GNAO1: variants seen among roughly 807,000 people sequenced by gnomAD.
The protein encoded by GNAO1 is G protein subunit alpha o1, also known as guanine nucleotide-binding protein G(o) subunit alpha.
For missense variants in GNAO1, 166 were observed against 478.7 expected (o/e 0.35, Z 6.10); for synonymous variants, 164 against 180.7 (o/e 0.91, Z 0.74).
At chr16:56,241,423 C>T (rs1567451531) in intron 2 of GNAO1, among the ~76,000 whole-genome samples, 1 of 152,136 alleles carries the variant, frequency 6.6e-6, no homozygotes, top group South Asian at 2.1e-4. Context: ...CAGTGCTTCC[C>T]ATCGAGTTGA....
chr16:56,242,322 T>C (rs2143430607), intron 2 of GNAO1, among the ~76,000 whole-genome samples: 1 of 152,332 alleles, frequency 6.6e-6, no homozygotes, highest in Middle Eastern at 3.4e-3. Flanking sequence ...GACAAGCTGA[T>C]TCTAAAATTC....
intron 3 of GNAO1, among the ~76,000 whole-genome samples, chr16:56,323,774 TCTC>T (rs1420385154): frequency 6.6e-6 from 1 of 151,992 alleles, no homozygotes; most frequent in African/African-American, 2.4e-5. Flanking sequence ...AAACTAATGG[TCTC>T]CTTCTGTGTG....
At chr16:56,295,176 G>T (rs749836816) in intron 3 of GNAO1, among the ~76,000 whole-genome samples, 1 of 152,160 alleles carries the variant, frequency 6.6e-6, no homozygotes, top group Non-Finnish European at 1.5e-5. Flanking sequence ...GGAGCCCTTT[G>T]CTAGTTATTT....
chr16:56,319,194 C>T (rs1286451093), intron 3 of GNAO1, among the ~76,000 whole-genome samples: 2 of 152,194 alleles, frequency 1.3e-5, no homozygotes, highest in Admixed American at 6.5e-5. Flanking sequence ...TTTACCATCC[C>T]AGTTTCACAC....
At chr16:56,274,657 C>T (rs1402832583) in intron 2 of GNAO1, among the ~76,000 whole-genome samples, 1 of 152,156 alleles carries the variant, frequency 6.6e-6, no homozygotes, top group Non-Finnish European at 1.5e-5. Flanking sequence ...TGAAAGAAAC[C>T]AGTCACAAAA....
intron 2 of GNAO1, among the ~76,000 whole-genome samples, chr16:56,242,450 T>G (rs189491088): frequency 5.3e-5 from 8 of 152,188 alleles, no homozygotes; most frequent in Non-Finnish European, 1.0e-4. Context: ...CAGTACAACA[T>G]GGTACTAGCA....
At chr16:56,195,179 C>T (rs1212545975) in intron 2 of GNAO1, among the ~76,000 whole-genome samples, 1 of 147,998 alleles carries the variant, frequency 6.8e-6, no homozygotes, top group Non-Finnish European at 1.5e-5. Context: ...AAGCACAATA[C>T]ACCAACTCTC....
intron 3 of GNAO1, among the ~76,000 whole-genome samples, chr16:56,289,924 C>T (rs1305137941): frequency 5.9e-5 from 9 of 152,312 alleles, no homozygotes; most frequent in South Asian, 4.2e-4. Context: ...CCTCCCACCC[C>T]GTAATCTGTG....
intron 2 of GNAO1, among the ~76,000 whole-genome samples, chr16:56,218,446 A>G (rs1482816053): frequency 6.6e-6 from 1 of 152,182 alleles, no homozygotes. Flanking sequence ...CAGGCTCGGC[A>G]GGAGAGATTT....
At chr16:56,275,371 G>A (rs557845046) in intron 2 of GNAO1, among the ~76,000 whole-genome samples, 19 of 152,318 alleles carry the variant, frequency 1.2e-4, no homozygotes, top group African/African-American at 4.3e-4. Flanking sequence ...AGGGTGGTAT[G>A]TGGTTAAATC....
At chr16:56,329,979 A>G (rs2037672996) in intron 4 of GNAO1, among the ~76,000 whole-genome samples, 1 of 152,214 alleles carries the variant, frequency 6.6e-6, no homozygotes, top group Admixed American at 6.5e-5. Context: ...AGAAACCCTG[A>G]TCTACGCAAT....
chr16:56,343,871 C>T, intron 6 of GNAO1: 1 of 1,614,144 alleles, frequency 6.2e-7, no homozygotes, highest in Non-Finnish European at 8.5e-7. Flanking sequence ...GCCACGGACA[C>T]CAACAACATC....
At chr16:56,341,605 AG>A (rs1414087559) in intron 6 of GNAO1, among the ~76,000 whole-genome samples, 1 of 152,196 alleles carries the variant, frequency 6.6e-6, no homozygotes, top group Non-Finnish European at 1.5e-5. Context: ...CTCAAATCAC[AG>A]AGCTTTGCAA....
rs575598900 is a variant in GNAO1, at chr16:56,287,138, A to G, written c.303+11066A>G. ...CACAGCCCCCAGCCCACCACTGACC[A>G]ATGGTCTCGCCTTTCCACTGTGGCC... On this transcript the variant is annotated intron_variant, in intron 3 of 8. Transcript: ENST00000262493. 2.6e-5 allele frequency among the ~76,000 whole-genome samples: 4 copies of G among 152,310 alleles called. No individual in the cohort carries two copies. The South Asian group carries it at 8.3e-4, about 32-fold the overall frequency.
intron 2 of GNAO1, among the ~76,000 whole-genome samples, chr16:56,269,864 G>A (rs1474372644): frequency 6.6e-6 from 1 of 152,184 alleles, no homozygotes; most frequent in Non-Finnish European, 1.5e-5. Flanking sequence ...CAGAGAAGGA[G>A]AATGGCTGCT....
At chr16:56,299,760 C>T (rs188480095) in intron 3 of GNAO1, among the ~76,000 whole-genome samples, 3 of 152,180 alleles carry the variant, frequency 2.0e-5, no homozygotes, top group Admixed American at 1.3e-4. Flanking sequence ...CCACACAATC[C>T]AGATGATGAG....
In GNAO1 at chr16:56,351,222, G is replaced by A. The variant is rs1425657777; in HGVS notation, c.724-162G>A. Among the ~76,000 whole-genome samples, 1 of 152,196 alleles carries A rather than the reference G, an allele frequency of 6.6e-6. No homozygotes were observed. Among genetic ancestry groups the A allele is most frequent in the Non-Finnish European group, 1.5e-5 (1 of 68,040 alleles). ...TCTCCGGAAGCAGGGAATGAGATGT[G>A]CTGTGAGGTGTAACTGACTCAGGTT... On this transcript the variant is annotated intron_variant, in intron 6 of 8. Transcript: ENST00000262493. This position sits in a 1 kb window ranked among gnomAD's most constrained non-coding sequence, Gnocchi z 6.1.
At chr16:56,221,663 A>C (rs942487838) in intron 2 of GNAO1, among the ~76,000 whole-genome samples, 4 of 151,746 alleles carry the variant, frequency 2.6e-5, no homozygotes, top group Middle Eastern at 3.2e-3. Flanking sequence ...AAAAAAAAAA[A>C]AAAAAAAAAA....
At chr16:56,207,156 G>GATTC in intron 2 of GNAO1, among the ~76,000 whole-genome samples, 1 of 152,252 alleles carries the variant, frequency 6.6e-6, no homozygotes, top group East Asian at 1.9e-4. Context: ...TGAAGAAACT[G>GATTC]AGGCGAAAAT....
Sources: gnomAD v4.1 joint callset for allele counts (sites outside exome capture counted in the v4.1 genomes callset) on GRCh38, gnomAD v4.1.1 for gene constraint, Gnocchi (gnomAD v3.1) non-coding constraint, MANE v1.5 for transcripts, NCBI Gene and HGNC (gene_info 2026-07-23, HGNC 2026-07-21) for gene names.